Variants in KCTD8 observed in about 807,000 individuals in gnomAD.
The protein encoded by KCTD8 is potassium channel tetramerization domain containing 8, also known as BTB/POZ domain-containing protein KCTD8.
KCTD8 carries 27 observed loss-of-function variants against 31.5 expected under a neutral mutation model. That is an observed-to-expected ratio of 0.86 (90% confidence interval 0.63 to 1.18). The LOEUF is 1.18. Ranked by LOEUF, KCTD8 falls within the 50% of genes most tolerant of loss-of-function variation. KCTD8 has a pLI of 0.00. For missense variants in KCTD8, 658 were observed against 647.7 expected (o/e 1.02, Z -0.17); for synonymous variants, 290 against 280.0 (o/e 1.04, Z -0.36).
At chr4:44,390,520 G>C (rs1341209601) in intron 1 of KCTD8, among the ~76,000 whole-genome samples, 1 of 151,832 alleles carries the variant, frequency 6.6e-6, no homozygotes, top group African/African-American at 2.4e-5. Flanking sequence ...ATTAATACCA[G>C]TACCAGGCTG....
At chr4:44,270,587 AT>A (rs1716562699) in intron 1 of KCTD8, among the ~76,000 whole-genome samples, 1 of 151,966 alleles carries the variant, frequency 6.6e-6, no homozygotes, top group African/African-American at 2.4e-5. Context: ...TTTCTTAGAA[AT>A]TTTCATGTAT....
chr4:44,258,888 A>G (rs1371013262), intron 1 of KCTD8, among the ~76,000 whole-genome samples: 1 of 151,778 alleles, frequency 6.6e-6, no homozygotes, highest in Non-Finnish European at 1.5e-5. Context: ...CTCCCTCCCT[A>G]TGTCTCAGTT....
intron 1 of KCTD8, among the ~76,000 whole-genome samples, chr4:44,195,479 A>C (rs1309412604): frequency 6.6e-6 from 1 of 152,204 alleles, no homozygotes; most frequent in Non-Finnish European, 1.5e-5. Flanking sequence ...TTAAGAGGAA[A>C]GATCATACAG....
chr4:44,335,457 T>C (rs1353764928), intron 1 of KCTD8, among the ~76,000 whole-genome samples: 1 of 152,046 alleles, frequency 6.6e-6, no homozygotes, highest in African/African-American at 2.4e-5. Context: ...GAACCTATAA[T>C]AAAAGTTGTA....
At chr4:44,287,908 T>A (rs1717149671) in intron 1 of KCTD8, among the ~76,000 whole-genome samples, 1 of 152,146 alleles carries the variant, frequency 6.6e-6, no homozygotes, top group Non-Finnish European at 1.5e-5. Flanking sequence ...TCGACTTGTA[T>A]GTAGATGGTT....
At chr4:44,441,260 T>A (rs369896510) in intron 1 of KCTD8, among the ~76,000 whole-genome samples, 1 of 152,136 alleles carries the variant, frequency 6.6e-6, no homozygotes, top group African/African-American at 2.4e-5. Context: ...ACACTTTAAG[T>A]CAGTTTATCG....
intron 1 of KCTD8, among the ~76,000 whole-genome samples, chr4:44,273,429 T>C (rs1174027611): frequency 6.6e-6 from 1 of 151,972 alleles, no homozygotes; most frequent in Non-Finnish European, 1.5e-5. Context: ...AATGTTAGCA[T>C]CATAAAACCT....
intron 1 of KCTD8, among the ~76,000 whole-genome samples, chr4:44,327,870 C>T (rs756799640): frequency 2.0e-4 from 31 of 151,792 alleles, no homozygotes; most frequent in Admixed American, 1.4e-3. Flanking sequence ...ATTTGTTAAG[C>T]ACTTGCATTG....
rs1053830393 is a variant in KCTD8, at chr4:44,317,490, C to T, written c.961+130073G>A. On this transcript the variant is annotated intron_variant, in intron 1 of 1. Coordinates refer to ENST00000360029, the MANE Select transcript of KCTD8 (RefSeq NM_198353.3). ...TCCTGACCTCATGATCCACCCGCCT[C>T]GGCCTCCCAAAGTGCTGGGATTACA... 7.9e-5 allele frequency among the ~76,000 whole-genome samples: 12 copies of T among 151,220 alleles called. No individual in the cohort carries two copies. The East Asian group carries it at 1.6e-3, about 20-fold the overall frequency.
chr4:44,360,463 T>A (rs944988384), intron 1 of KCTD8, among the ~76,000 whole-genome samples: 1 of 151,908 alleles, frequency 6.6e-6, no homozygotes, highest in African/African-American at 2.4e-5. Flanking sequence ...AAAAATAAAA[T>A]CCAAGTTGCC....
intron 1 of KCTD8, among the ~76,000 whole-genome samples, chr4:44,354,216 T>TTG (rs910665644): frequency 2.6e-5 from 4 of 152,088 alleles, no homozygotes; most frequent in South Asian, 2.1e-4. Flanking sequence ...AGTTCATTTG[T>TTG]TGTGTGTGTG....
rs186190976 is a variant in KCTD8 at position 44,371,999 on chromosome 4, T to C, written c.961+75564A>G. ...GATCCTCTACTGGAAAACAATATTG[T>C]CTATGAAATGGTAAAATTAAATTGG... On this transcript the variant is annotated intron_variant, in intron 1 of 1. Transcript: ENST00000360029. Among the ~76,000 whole-genome samples, 100 of 152,336 alleles carry C rather than the reference T, an allele frequency of 6.6e-4. 1 individual carries two copies. Among genetic ancestry groups the C allele is most frequent in the Non-Finnish European group, 5.6e-4 (38 of 68,020 alleles).
At chr4:44,401,494 CA>C (rs1720661984) in intron 1 of KCTD8, among the ~76,000 whole-genome samples, 1 of 152,020 alleles carries the variant, frequency 6.6e-6, no homozygotes, top group South Asian at 2.1e-4. Flanking sequence ...GACTCCCTCA[CA>C]AGATGAAAAA....
intron 1 of KCTD8, among the ~76,000 whole-genome samples, chr4:44,365,190 T>C (rs1719599647): frequency 6.6e-6 from 1 of 152,146 alleles, no homozygotes; most frequent in South Asian, 2.1e-4. Flanking sequence ...GGGAACTCCC[T>C]GTATTTACTG....
chr4:44,201,378 G>A (rs1714144430), intron 1 of KCTD8, among the ~76,000 whole-genome samples: 1 of 152,006 alleles, frequency 6.6e-6, no homozygotes, highest in African/African-American at 2.4e-5. Flanking sequence ...GAACAAAGAT[G>A]GAGGTATCAC....
rs553048688 is a variant in KCTD8 at position 44,264,743 on chromosome 4, A to G, written c.962-89493T>C. ...CACACCAGGAGATTATATCCCGCAC[A>G]TGGCTCGGAGGGTCCTACACCCATG... is the stretch of plus-strand genomic sequence containing the variant. On this transcript the variant is annotated intron_variant, in intron 1 of 1. Coordinates refer to ENST00000360029, the MANE Select transcript of KCTD8 (RefSeq NM_198353.3). Among the ~76,000 whole-genome samples the G allele has an allele frequency of 4.6e-5, 7 of 152,230 alleles. No homozygotes were observed. The East Asian group carries it at 5.8e-4, about 13-fold the overall frequency.
intron 1 of KCTD8, among the ~76,000 whole-genome samples, chr4:44,271,160 TA>T (rs1418370508): frequency 2.0e-5 from 3 of 152,146 alleles, no homozygotes; most frequent in African/African-American, 7.2e-5. Context: ...ACACTTACAT[TA>T]TTGATTAAAA....
In KCTD8 at chr4:44,448,472, C is replaced by T; in HGVS notation, c.52G>A (p.Glu18Lys). The change falls in exon 1 of 2, where the codon GAG (glutamate) becomes AAG (lysine). Residue 18 changes from glutamate to lysine, a missense_variant. By Grantham distance (56) the Glu-to-Lys change is moderately conservative (BLOSUM62 1). Coordinates refer to ENST00000360029, the MANE Select transcript of KCTD8 (RefSeq NM_198353.3). The surrounding 1 kb of genome is among the most constrained non-coding windows in gnomAD (Gnocchi z 4.1). ...SGGSTILPIS[E>K]MVSSSSSPGA... The stretch of plus-strand genomic sequence containing the variant: ...GGCGAGCTGGACGAGGAAACCATCT[C>T]GCTAATGGGCAGGATGGTGCTGCCG... The T allele has an allele frequency of 6.5e-7, 1 of 1,538,756 alleles. No individual in the cohort carries two copies.
At chr4:44,186,478 C>A (rs144605226) in intron 1 of KCTD8, among the ~76,000 whole-genome samples, 2 of 152,152 alleles carry the variant, frequency 1.3e-5, no homozygotes, top group Admixed American at 6.5e-5. Context: ...TCTGTCCTTG[C>A]GATAAGGCAG....
Sources: gnomAD v4.1 joint callset for allele counts (sites outside exome capture counted in the v4.1 genomes callset) on GRCh38, gnomAD v4.1.1 for gene constraint, Gnocchi (gnomAD v3.1) non-coding constraint, MANE v1.5 for transcripts, NCBI Gene and HGNC (gene_info 2026-07-23, HGNC 2026-07-21) for gene names.